The following STK36 variants were observed in gnomAD, a reference collection of about 807,000 sequenced individuals.
STK36 encodes serine/threonine kinase 36, also known as serine/threonine-protein kinase 36.
STK36 carries 116 observed loss-of-function variants against 142.2 expected under a neutral mutation model. That is an observed-to-expected ratio of 0.82 (90% CI 0.70 to 0.95). STK36 has a LOEUF of 0.95. Ranked by LOEUF, STK36 falls within the 40% of genes least tolerant of loss-of-function variation. The pLI is 0.00. For missense variants in STK36, 1,422 were observed against 1,617.2 expected, an observed-to-expected ratio of 0.88 and a Z score of 2.07; for synonymous variants, 619 against 641.7, an observed-to-expected ratio of 0.96 and a Z score of 0.53.
At position 218,692,280 on chromosome 2, in the gene STK36, C is replaced by T. The variant is rs1271351463; in HGVS notation, c.1902C>T (p.Val634=). ...GCTTGACAGTTCCACAGCTCCCTGTCCACACTCCCCAAGGTAACCAGAGTG... is the reference window on the plus strand; with the variant it reads ...GCTTGACAGTTCCACAGCTCCCTGTTCACACTCCCCAAGGTAACCAGAGTG... ...LHGLTVPQLP[V]HTPQGAPQVS... Residue 634 remains valine (V), a synonymous_variant, in exon 15 of 27, where the codon GTC becomes GTT. Transcript: ENST00000295709. The T allele has an allele frequency of 6.2e-7, 1 of 1,614,180 alleles. No individual in the cohort carries two copies. Among genetic ancestry groups the T allele is most frequent in the Non-Finnish European group, 8.5e-7 (1 of 1,180,040 alleles).
At chr2:218,672,551 A>C (rs1350881963) in intron 1 of STK36, 190 bp from the exon 2 acceptor site, 5 of 402,026 alleles carry the variant, frequency 1.2e-5, no homozygotes, top group African/African-American at 8.2e-5. Flanking sequence ...ACCAGGTGTT[A>C]GTTGGGCATG....
chr2:218,673,489 C>G, intron 2 of STK36, 136 bp from the exon 3 acceptor site: 1 of 1,230,778 alleles, frequency 8.1e-7, no homozygotes, highest in Non-Finnish European at 1.1e-6. Context: ...AAAATGGAAG[C>G]GGGAGACTAA....
At chr2:218,685,639 G>A (rs1940742465) in intron 11 of STK36, among the ~76,000 whole-genome samples, 2 of 152,088 alleles carry the variant, frequency 1.3e-5, no homozygotes, top group South Asian at 4.1e-4. Context: ...AGAAGAATGA[G>A]GTTATTTTGC....
intron 11 of STK36, 36 bp downstream of exon 11, chr2:218,685,264 A>T: frequency 6.2e-7 from 1 of 1,610,358 alleles, no homozygotes; most frequent in Non-Finnish European, 8.5e-7. Flanking sequence ...TGGGATCAAG[A>T]CTGTTTTCAC....
At chr2:218,674,842 T>G (rs1320291346) in intron 4 of STK36, among the ~76,000 whole-genome samples, 1 of 152,172 alleles carries the variant, frequency 6.6e-6, no homozygotes, top group African/African-American at 2.4e-5. Context: ...TCAGGTGATC[T>G]GCCCGCCTCA....
At chr2:218,688,420 TG>T in intron 11 of STK36, 1 of 581,066 alleles carries the variant, frequency 1.7e-6, no homozygotes. Context: ...AGGGAGCAGA[TG>T]GGAATGGCAC....
intron 4 of STK36, among the ~76,000 whole-genome samples, chr2:218,674,712 G>A (rs936309909): frequency 2.6e-5 from 4 of 151,952 alleles, no homozygotes; most frequent in East Asian, 1.9e-4. Flanking sequence ...AGCAATTCTC[G>A]TGCCTCAGCC....
intron 4 of STK36, among the ~76,000 whole-genome samples, chr2:218,675,139 A>G (rs1048881679): frequency 6.6e-6 from 1 of 152,164 alleles, no homozygotes; most frequent in Admixed American, 6.5e-5. Flanking sequence ...AATGAGATTC[A>G]ATAAATTTTT....
In STK36 at chr2:218,693,839, G is replaced by C; in HGVS notation, c.2247+18G>C. 14 of 1,614,152 alleles carry C rather than the reference G, an allele frequency of 8.7e-6. No homozygotes were observed. Among genetic ancestry groups the C allele is most frequent in the Non-Finnish European group, 1.1e-5 (13 of 1,180,010 alleles). On this transcript the variant is annotated intron_variant, in intron 18 of 26. Transcript: ENST00000295709. ...AGGGCAAGGTAAGCCAGCTTCCCCT[G>C]GCAGCCCCACTGTCTCAGCCAGAGG...
At position 218,702,027 on chromosome 2, in the gene STK36, C is replaced by T. The variant is rs1352661126; in HGVS notation, c.*18C>T. The stretch of plus-strand genomic sequence containing the variant: ...GCATGTGATTCCAGATTCCTGCGGT[C>T]CAGCCTCCAACTTTGGTTGCCAGCT... On this transcript the variant is annotated 3_prime_UTR_variant, in exon 27 of 27. Coordinates refer to ENST00000295709, the MANE Select transcript of STK36 (RefSeq NM_015690.5). The T allele has an allele frequency of 1.9e-6, 3 of 1,612,716 alleles. No individual in the cohort carries two copies. Among genetic ancestry groups the T allele is most frequent in the South Asian group, 2.2e-5 (2 of 90,864 alleles).
intron 12 of STK36, among the ~76,000 whole-genome samples, chr2:218,689,199 A>G (rs1164444798): frequency 6.6e-6 from 1 of 152,200 alleles, no homozygotes; most frequent in African/African-American, 2.4e-5. Context: ...TGGGCCTGAG[A>G]AAACTAGCCA....
In STK36 at chr2:218,679,732, G is replaced by A. The variant is rs776369023; in HGVS notation, c.948+3G>A. The A allele has an allele frequency of 9.3e-6, 15 of 1,614,088 alleles. No individual in the cohort carries two copies. Among genetic ancestry groups the A allele is most frequent in the Admixed American group, 3.3e-5 (2 of 60,000 alleles). The stretch of plus-strand genomic sequence containing the variant: ...TGGCTGAGGAGGCCATGCAGAAGGT[G>A]TGTGGGGCAGAGGAAAATATGTGAA... On this transcript the variant is annotated splice_donor_region_variant and intron_variant, in intron 8 of 26. Transcript: ENST00000295709.
intron 10 of STK36, among the ~76,000 whole-genome samples, chr2:218,683,022 T>C (rs1029104667): frequency 1.2e-4 from 19 of 152,212 alleles, no homozygotes; most frequent in Non-Finnish European, 2.2e-4. Context: ...CTCAAATTGA[T>C]TATTTCCTAA....
At chr2:218,684,001 A>G (rs1940659498) in intron 10 of STK36, among the ~76,000 whole-genome samples, 1 of 134,594 alleles carries the variant, frequency 7.4e-6, no homozygotes, top group African/African-American at 2.9e-5. Context: ...GCCTTACTAT[A>G]TTGCCCAGGC....
chr2:218,697,628 G>A lies in STK36; in HGVS notation c.2909+18G>A, dbSNP rs748574882. 1 of 1,613,224 alleles carries A rather than the reference G, an allele frequency of 6.2e-7. No homozygotes were observed. On this transcript the variant is annotated intron_variant, in intron 24 of 26. Transcript: ENST00000295709. ...CGCCAGGCGTGAGTTTGAGCTAGAA[G>A]AGAGCCACAGAGTCAGCAACGGGGA...
chr2:218,701,855 C>G lies in STK36; in HGVS notation c.3805-11C>G, dbSNP rs1240766711. 6.8e-6 allele frequency: 11 copies of G among 1,613,866 alleles called. No homozygotes were observed. Among genetic ancestry groups the G allele is most frequent in the Non-Finnish European group, 9.3e-6 (11 of 1,179,838 alleles). On this transcript the variant is annotated splice_polypyrimidine_tract_variant and intron_variant, in intron 26 of 26. Coordinates refer to ENST00000295709, the MANE Select transcript of STK36 (RefSeq NM_015690.5). ...CATGTTCTGTTCTATCATCTGTTCT[C>G]TATCCTACAGGTACTGGTGTCCCTG...
chr2:218,685,316 A>C (rs1434906300), intron 11 of STK36, 88 bp downstream of exon 11: 2 of 1,532,638 alleles, frequency 1.3e-6, no homozygotes, highest in African/African-American at 1.4e-5. Context: ...AGAAAGAGAA[A>C]GTTTGTCCTT....
Position 218,698,106 on chromosome 2 carries a change from T to C in STK36, c.3057+105T>C. The C allele has an allele frequency of 4.1e-6, 6 of 1,470,216 alleles. No individual in the cohort carries two copies. The South Asian group carries it at 5.0e-5, about 12-fold the overall frequency. 91.1% of individuals were successfully genotyped at this position (1,470,216 alleles called of 1,614,324 possible). A position where few individuals can be genotyped will look rare whatever the true frequency, so the allele number is the denominator to read the frequency against. ...GGGCTCTTCTAGGCCCCTGTAAGCA[T>C]GGAACAGCTGGCTTGACTCAAAAGT... is the stretch of plus-strand genomic sequence containing the variant. On this transcript the variant is annotated intron_variant, in intron 25 of 26. Coordinates refer to ENST00000295709, the MANE Select transcript of STK36 (RefSeq NM_015690.5).
At chr2:218,686,669 A>G (rs11895139) in intron 11 of STK36, among the ~76,000 whole-genome samples, 11,149 of 152,274 alleles carry the variant, frequency 0.073, 1,243 homozygotes, top group African/African-American at 0.24. Flanking sequence ...TTGATTAGAT[A>G]TTGATGTATT....
Sources: gnomAD v4.1 joint callset for allele counts (sites outside exome capture counted in the v4.1 genomes callset) on GRCh38, gnomAD v4.1.1 for gene constraint, MANE v1.5 for transcripts, NCBI Gene and HGNC (gene_info 2026-07-23, HGNC 2026-07-21) for gene names.